The following HNF4G variants were observed in gnomAD, a reference collection of about 807,000 sequenced individuals.
HNF4G encodes the protein hepatocyte nuclear factor 4-gamma.
In HNF4G, 21 loss-of-function variants were observed where a neutral mutation model predicts 50.9. The ratio of observed to expected loss-of-function variants is 0.41; its 90% CI spans 0.29 to 0.59. HNF4G has a LOEUF of 0.59. HNF4G is among the 20% of genes least tolerant of loss of function. The pLI, the probability that HNF4G is intolerant of heterozygous loss-of-function variation, is 0.26. For synonymous variants in HNF4G, 198 were observed against 185.6 expected (o/e 1.07, Z -0.54); for missense variants, 527 against 559.4 (o/e 0.94, Z 0.58).
chr8:75,523,044 G>A (rs1332593886), intron 2 of HNF4G, among the ~76,000 whole-genome samples: 3 of 151,950 alleles, frequency 2.0e-5, no homozygotes, highest in Non-Finnish European at 2.9e-5. Context: ...AGCCAAATTG[G>A]TGAATCCCAT....
At chr8:75,501,365 C>G (rs1812921460) in intron 2 of HNF4G, among the ~76,000 whole-genome samples, 1 of 152,092 alleles carries the variant, frequency 6.6e-6, no homozygotes, top group Admixed American at 6.5e-5. Context: ...AGGCTCAGCC[C>G]AGGAGTCTAA....
intron 2 of HNF4G, among the ~76,000 whole-genome samples, chr8:75,518,792 C>G (rs900969843): frequency 5.9e-5 from 9 of 151,982 alleles, no homozygotes; most frequent in African/African-American, 1.2e-4. Context: ...GGGACTGCCA[C>G]GAAGATCTCT....
intron 1 of HNF4G, among the ~76,000 whole-genome samples, chr8:75,453,849 A>T (rs557493058): frequency 6.6e-6 from 1 of 152,256 alleles, no homozygotes; most frequent in South Asian, 2.1e-4. Context: ...GGTGTAATGG[A>T]CTGAATGTTC....
chr8:75,549,024 C>G (rs915357511), intron 3 of HNF4G, among the ~76,000 whole-genome samples: 1 of 152,150 alleles, frequency 6.6e-6, no homozygotes, highest in African/African-American at 2.4e-5. Context: ...TGCCTTCCTC[C>G]ATTTTTACTT....
At chr8:75,506,230 A>G (rs1408971718) in intron 2 of HNF4G, among the ~76,000 whole-genome samples, 1 of 152,074 alleles carries the variant, frequency 6.6e-6, no homozygotes, top group Non-Finnish European at 1.5e-5. Flanking sequence ...AGTGATTTTA[A>G]GAATCTGAAA....
At chr8:75,482,700 C>T (rs2130661153) in intron 1 of HNF4G, among the ~76,000 whole-genome samples, 1 of 152,104 alleles carries the variant, frequency 6.6e-6, no homozygotes, top group South Asian at 2.1e-4. Flanking sequence ...TGGATACTTT[C>T]CTGATCGCCT....
chr8:75,548,521 T>C (rs1806856744), intron 3 of HNF4G, among the ~76,000 whole-genome samples: 1 of 152,192 alleles, frequency 6.6e-6, no homozygotes, highest in Non-Finnish European at 1.5e-5. Context: ...GACAAGAGAC[T>C]AGATGTGCTA....
chr8:75,502,273 T>C (rs2130707466), intron 2 of HNF4G, among the ~76,000 whole-genome samples: 1 of 152,300 alleles, frequency 6.6e-6, no homozygotes. Context: ...AAAAGTTGTG[T>C]GAAAGACAGA....
Position 75,448,678 on chromosome 8 carries a change from G to C in HNF4G, c.-144+40516G>C, listed in dbSNP as rs534447102. ...TCATTGGGAATGAAAAATTATAAGTGAAATATTCAGAAAATTTTTAAAAAA... is the reference window on the plus strand; with the variant it reads ...TCATTGGGAATGAAAAATTATAAGTCAAATATTCAGAAAATTTTTAAAAAA... On this transcript the variant is annotated intron_variant, in intron 1 of 10. Coordinates refer to the HNF4G transcript ENST00000354370. Among the ~76,000 whole-genome samples, 303 of 151,938 alleles carry C rather than the reference G, an allele frequency of 2.0e-3. 1 individual carries two copies. Among genetic ancestry groups the C allele is most frequent in the African/African-American group, 7.0e-3 (290 of 41,524 alleles).
intron 1 of HNF4G, among the ~76,000 whole-genome samples, chr8:75,473,946 C>T (rs770727368): frequency 7.3e-5 from 11 of 151,026 alleles, no homozygotes; most frequent in Admixed American, 2.0e-4. Context: ...AAAAAACAAA[C>T]GGAAACAAAA....
chr8:75,539,747 C>G (rs878946903), upstream of HNF4G: 48 of 417,290 alleles, frequency 1.2e-4, no homozygotes, highest in South Asian at 1.8e-3. Context: ...AAGATTATCA[C>G]AAGGAATTGC....
Position 75,558,573 on chromosome 8 carries a change from C to A in HNF4G, c.789C>A (p.Ala263=). The change falls in exon 7 of 10, where the codon GCC becomes GCA. Residue 263 remains alanine, a synonymous_variant. Transcript: ENST00000396423. ...GTGAAGTTGAGATTAGCCGTGTGGC[C>A]AATCGTGTTCTAGATGAGCTGGTTA... ...NSCEVEISRV[A]NRVLDELVRP... The A allele has an allele frequency of 6.2e-7, 1 of 1,613,248 alleles. No homozygotes were observed. The highest frequency in any genetic ancestry group is 1.1e-5 in the South Asian group (1 of 91,052).
At chr8:75,536,272 T>A (rs968257746), upstream of HNF4G, among the ~76,000 whole-genome samples, 6 of 152,006 alleles carry the variant, frequency 3.9e-5, no homozygotes, top group African/African-American at 1.4e-4. Context: ...TGCTACTTAT[T>A]ATAAATTACT....
At chr8:75,485,165 T>C (rs1812471860) in intron 1 of HNF4G, among the ~76,000 whole-genome samples, 1 of 152,200 alleles carries the variant, frequency 6.6e-6, no homozygotes, top group Non-Finnish European at 1.5e-5. Context: ...ATGGAAATGG[T>C]GGTAGAATTG....
intron 1 of HNF4G, among the ~76,000 whole-genome samples, chr8:75,489,104 T>G (rs1037547538): frequency 1.3e-5 from 2 of 152,158 alleles, no homozygotes; most frequent in Non-Finnish European, 2.9e-5. Context: ...CAATAGCATC[T>G]CATATTTGTT....
At chr8:75,532,070 T>G (rs1279526547) in intron 2 of HNF4G, among the ~76,000 whole-genome samples, 3 of 152,104 alleles carry the variant, frequency 2.0e-5, no homozygotes, top group African/African-American at 7.2e-5. Flanking sequence ...TTTTATTCTT[T>G]AATATGAGTT....
Position 75,437,698 on chromosome 8 carries a change from TA to T in HNF4G, c.-144+29543del, listed in dbSNP as rs202029928. On this transcript the variant is annotated intron_variant, in intron 1 of 10. Coordinates refer to the HNF4G transcript ENST00000354370. ...CAAAAAAATAATAATAAAAATAAAA[TA>T]AAAAAAGAAATGTTAATACACTTCC... is the stretch of plus-strand genomic sequence containing the variant. 6.1e-4 allele frequency among the ~76,000 whole-genome samples: 93 copies of T among 151,396 alleles called. No individual in the cohort carries two copies. The East Asian group carries it at 0.017, about 28-fold the overall frequency.
At chr8:75,471,839 A>G (rs1419733053) in intron 1 of HNF4G, among the ~76,000 whole-genome samples, 1 of 152,172 alleles carries the variant, frequency 6.6e-6, no homozygotes, top group Non-Finnish European at 1.5e-5. Flanking sequence ...AATTGGGGAA[A>G]CCTTAAAAGA....
intron 1 of HNF4G, among the ~76,000 whole-genome samples, chr8:75,441,187 A>G (rs1184471341): frequency 3.3e-5 from 5 of 151,572 alleles, no homozygotes; most frequent in Non-Finnish European, 5.9e-5. Context: ...AATACTTAAC[A>G]TGAGAGCTAC....
Sources: gnomAD v4.1 joint callset for allele counts (sites outside exome capture counted in the v4.1 genomes callset) on GRCh38, gnomAD v4.1.1 for gene constraint, MANE v1.5 for transcripts, NCBI Gene and HGNC (gene_info 2026-07-23, HGNC 2026-07-21) for gene names.